ADAMTS16: variants seen among roughly 807,000 people sequenced by gnomAD.
ADAMTS16 encodes the protein A disintegrin and metalloproteinase with thrombospondin motifs 16.
Under a neutral mutation model 145.8 loss-of-function variants are expected in ADAMTS16, and 94 were observed. That is an observed-to-expected ratio of 0.64 (90% confidence interval 0.55 to 0.77). The LOEUF (loss-of-function observed/expected upper bound fraction) is 0.77. Among genes scored for constraint, ADAMTS16 ranks in the 30% least tolerant of loss-of-function variants. The pLI, the probability that ADAMTS16 is intolerant of heterozygous loss-of-function variation, is 0.00. For missense variants in ADAMTS16, 1,585 were observed against 1,591.5 expected (o/e 1.00, Z 0.07); for synonymous variants, 659 against 604.3 (o/e 1.09, Z -1.33).
At chr5:5,184,371 G>C (rs532879597) in intron 4 of ADAMTS16, among the ~76,000 whole-genome samples, 1 of 152,092 alleles carries the variant, frequency 6.6e-6, no homozygotes. Flanking sequence ...GCAGGGCCTC[G>C]TGTCACCTAT....
intron 17 of ADAMTS16, among the ~76,000 whole-genome samples, chr5:5,248,627 G>T (rs1737530414): frequency 6.6e-6 from 1 of 152,188 alleles, no homozygotes; most frequent in Non-Finnish European, 1.5e-5. Flanking sequence ...CGTGCCATTA[G>T]TCAGAGAAAT....
At chr5:5,151,307 C>T (rs1197727870) in intron 3 of ADAMTS16, among the ~76,000 whole-genome samples, 1 of 151,696 alleles carries the variant, frequency 6.6e-6, no homozygotes, top group Non-Finnish European at 1.5e-5. Flanking sequence ...TGCACAATCT[C>T]AGCTCACTGC....
intron 17 of ADAMTS16, among the ~76,000 whole-genome samples, chr5:5,257,457 C>A (rs2964405): frequency 1.3e-5 from 2 of 152,154 alleles, no homozygotes; most frequent in African/African-American, 2.4e-5. Flanking sequence ...TTAGAGTCAC[C>A]ATGTAATGCA....
chr5:5,275,954 G>C (rs1738674475), intron 18 of ADAMTS16, among the ~76,000 whole-genome samples: 1 of 151,800 alleles, frequency 6.6e-6, no homozygotes, highest in Non-Finnish European at 1.5e-5. Flanking sequence ...CATCACCCAG[G>C]TTCAAGCAAT....
chr5:5,171,387 A>C (rs1462216036), intron 3 of ADAMTS16, among the ~76,000 whole-genome samples: 1 of 152,164 alleles, frequency 6.6e-6, no homozygotes, highest in African/African-American at 2.4e-5. Context: ...TTTCCCATTC[A>C]GTATGACACT....
chr5:5,289,232 A>G lies in ADAMTS16; in HGVS notation c.2790-14036A>G, dbSNP rs74727442. 6.4e-3 allele frequency among the ~76,000 whole-genome samples: 974 copies of G among 152,350 alleles called. 13 individuals are homozygous for G. Among genetic ancestry groups the G allele is most frequent in the African/African-American group, 0.023 (937 of 41,566 alleles). ...AAAAAAGCTTAGTGCCCTGCCTAGC[A>G]TTTGGTTTGTCCTCCAGGGGCACTG... On this transcript the variant is annotated intron_variant, in intron 18 of 22. Coordinates refer to ENST00000274181, the MANE Select transcript of ADAMTS16 (RefSeq NM_139056.4).
At chr5:5,290,631 C>T (rs75752029) in intron 18 of ADAMTS16, among the ~76,000 whole-genome samples, 1,599 of 152,072 alleles carry the variant, frequency 0.011, 29 homozygotes, top group African/African-American at 0.036. Flanking sequence ...GCCTAGGCAA[C>T]GAGAGCGAAA....
chr5:5,310,375 T>C lies in ADAMTS16; in HGVS notation c.3411+3647T>C, dbSNP rs897997442. 6.6e-6 allele frequency among the ~76,000 whole-genome samples: 1 copy of C among 152,144 alleles called. No individual in the cohort carries two copies. The highest frequency in any genetic ancestry group is 1.5e-5 in the Non-Finnish European group (1 of 68,022). ...GAGAGGGACCCCACACTGTGTCTCA[T>C]TGGCAGCGTCCTGCGCTGAGTAATG... On this transcript the variant is annotated intron_variant, in intron 21 of 22. Transcript: ENST00000274181. This position sits in a 1 kb window ranked among gnomAD's most constrained non-coding sequence, Gnocchi z 4.3.
intron 17 of ADAMTS16, among the ~76,000 whole-genome samples, chr5:5,259,632 A>G (rs1737927388): frequency 6.6e-6 from 1 of 152,218 alleles, no homozygotes; most frequent in South Asian, 2.1e-4. Flanking sequence ...CACAGGTTGC[A>G]AGGGAAAAGG....
At chr5:5,237,163 C>CT in intron 14 of ADAMTS16, 64 bp downstream of exon 14, 1 of 1,544,306 alleles carries the variant, frequency 6.5e-7, no homozygotes, top group Non-Finnish European at 8.8e-7. Flanking sequence ...GTCAAGCATC[C>CT]TGTAGAGGCT....
intron 21 of ADAMTS16, among the ~76,000 whole-genome samples, chr5:5,312,905 T>C (rs1374411346): frequency 2.6e-5 from 4 of 152,234 alleles, no homozygotes; most frequent in Non-Finnish European, 5.9e-5. Context: ...AAGAGGAAAC[T>C]GAGGACGCTG....
chr5:5,250,918 T>G (rs1005788725), intron 17 of ADAMTS16, among the ~76,000 whole-genome samples: 2 of 152,088 alleles, frequency 1.3e-5, no homozygotes, highest in Non-Finnish European at 2.9e-5. Context: ...TTTAGGCCTT[T>G]GGATTCAGAG....
chr5:5,193,672 A>C (rs2126580770), intron 8 of ADAMTS16, among the ~76,000 whole-genome samples: 1 of 152,366 alleles, frequency 6.6e-6, no homozygotes, highest in South Asian at 2.1e-4. Context: ...AGCAAGTATC[A>C]GTGTTGGCAT....
intron 6 of ADAMTS16, among the ~76,000 whole-genome samples, chr5:5,189,047 T>G (rs1735587198): frequency 6.6e-6 from 1 of 152,362 alleles, no homozygotes; most frequent in Non-Finnish European, 1.5e-5. Context: ...AGCATTTTGC[T>G]TGGGTATATT....
At chr5:5,311,545 T>TC (rs1178380184) in intron 21 of ADAMTS16, among the ~76,000 whole-genome samples, 22 of 58,812 alleles carry the variant, frequency 3.7e-4, no homozygotes, top group African/African-American at 1.4e-3. Flanking sequence ...ATTAGTCTGC[T>TC]CCTTTTTTTT....
At chr5:5,252,763 C>T (rs1241082362) in intron 17 of ADAMTS16, among the ~76,000 whole-genome samples, 4 of 152,140 alleles carry the variant, frequency 2.6e-5, no homozygotes, top group Admixed American at 6.5e-5. Flanking sequence ...TAGGTCTCTG[C>T]GTGTACACCA....
chr5:5,175,388 C>A lies in ADAMTS16; in HGVS notation c.502-6656C>A, dbSNP rs148679996. Among the ~76,000 whole-genome samples the A allele has an allele frequency of 3.4e-4, 52 of 152,338 alleles. No individual in the cohort carries two copies. The East Asian group carries it at 4.1e-3, about 12-fold the overall frequency. On this transcript the variant is annotated intron_variant, in intron 3 of 22. Transcript: ENST00000274181. ...CAGAGCTGGTCTCTGAATTGCAAGA[C>A]AAAGTGCTCGTTAAACTTTTTTCTC...
At chr5:5,261,393 C>CT (rs1315286525) in intron 17 of ADAMTS16, among the ~76,000 whole-genome samples, 3 of 152,182 alleles carry the variant, frequency 2.0e-5, no homozygotes, top group African/African-American at 7.2e-5. Flanking sequence ...ATGCCTAAGC[C>CT]TGTCAACGTG....
intron 3 of ADAMTS16, among the ~76,000 whole-genome samples, chr5:5,151,704 GTGTGTGTGTGT>G (rs1734464814): frequency 1.3e-5 from 2 of 151,168 alleles, no homozygotes; most frequent in African/African-American, 2.4e-5. Flanking sequence ...GTGTGTGTGT[GTGTGTGTGTGT>G]GTGTGTGTGT....
Sources: allele counts gnomAD v4.1 joint callset (sites outside exome capture counted in the v4.1 genomes callset), GRCh38; gene constraint gnomAD v4.1.1; non-coding constraint Gnocchi (gnomAD v3.1); transcripts MANE v1.5; gene names NCBI Gene and HGNC (gene_info 2026-07-23, HGNC 2026-07-21).